The following PLEKHM3 variants were observed in gnomAD, a reference collection of about 807,000 sequenced individuals.
PLEKHM3 encodes pleckstrin homology domain containing M3.
PLEKHM3 carries 45 observed loss-of-function variants against 81.8 expected under a neutral mutation model. The ratio of observed to expected loss-of-function variants is 0.55; its 90% CI spans 0.43 to 0.71. The LOEUF is 0.71. Among genes scored for constraint, PLEKHM3 ranks in the 30% least tolerant of loss-of-function variants. The pLI is 0.00. For missense variants in PLEKHM3, 788 were observed against 924.3 expected (o/e 0.85, Z 1.91); for synonymous variants, 352 against 356.4 (o/e 0.99, Z 0.14).
chr2:207,860,898 T>A (rs1418971632), intron 7 of PLEKHM3, among the ~76,000 whole-genome samples: 1 of 152,164 alleles, frequency 6.6e-6, no homozygotes. Flanking sequence ...AGCTCTGTTA[T>A]CTCATTCTGG....
chr2:207,919,483 A>G (rs1689111988), intron 5 of PLEKHM3, among the ~76,000 whole-genome samples: 2 of 152,220 alleles, frequency 1.3e-5, no homozygotes, highest in Admixed American at 1.3e-4. Context: ...TTACTGGAAT[A>G]ATCCAGGCGA....
intron 4 of PLEKHM3, among the ~76,000 whole-genome samples, chr2:207,932,002 A>C (rs1307238346): frequency 1.3e-5 from 2 of 152,170 alleles, no homozygotes; most frequent in African/African-American, 2.4e-5. Flanking sequence ...AAAAGACTAA[A>C]TCATGTACAT....
At chr2:207,885,129 C>T (rs1040046082) in intron 6 of PLEKHM3, among the ~76,000 whole-genome samples, 1 of 152,244 alleles carries the variant, frequency 6.6e-6, no homozygotes, top group Admixed American at 6.5e-5. Context: ...TCCACTGAAT[C>T]TACGGAGCGA....
At chr2:207,999,820 G>A (rs1025467027) in intron 2 of PLEKHM3, among the ~76,000 whole-genome samples, 6 of 152,228 alleles carry the variant, frequency 3.9e-5, no homozygotes, top group South Asian at 2.1e-4. Context: ...TCCTTGCCTC[G>A]GGTTACACTT....
chr2:207,937,334 G>A (rs931864086), intron 4 of PLEKHM3, among the ~76,000 whole-genome samples: 1 of 152,170 alleles, frequency 6.6e-6, no homozygotes, highest in Non-Finnish European at 1.5e-5. Flanking sequence ...GGGAGGCTGA[G>A]GCAGCAGGAT....
Position 207,977,187 on chromosome 2 carries a change from T to C in PLEKHM3, c.1010A>G (p.His337Arg). ...CCCACTGGTTTTCTTCTGGAAACTA[T>C]GATTCTGTGTATAGTCATCATGATG... ...LGHHDDYTQN[H>R]SFQKKTSGLL... Residue 337 changes from histidine to arginine, a missense_variant, in exon 3 of 8, where the codon CAT becomes CGT. Coordinates refer to ENST00000427836, the MANE Select transcript of PLEKHM3 (RefSeq NM_001080475.3). The C allele has an allele frequency of 6.2e-7, 1 of 1,614,210 alleles. No homozygotes were observed.
intron 2 of PLEKHM3, among the ~76,000 whole-genome samples, chr2:208,000,188 C>T (rs1468351607): frequency 6.6e-6 from 1 of 152,152 alleles, no homozygotes; most frequent in Non-Finnish European, 1.5e-5. Context: ...ACCTAACCAC[C>T]CTCCCCAGCC....
chr2:207,965,313 CA>C (rs1690873935), intron 3 of PLEKHM3, among the ~76,000 whole-genome samples: 1 of 144,050 alleles, frequency 6.9e-6, no homozygotes, highest in Non-Finnish European at 1.5e-5. Context: ...CAATGTTAAC[CA>C]AAAAGGAAGC....
chr2:207,935,133 G>A (rs1689707883), intron 4 of PLEKHM3, among the ~76,000 whole-genome samples: 1 of 152,166 alleles, frequency 6.6e-6, no homozygotes, highest in Non-Finnish European at 1.5e-5. Flanking sequence ...ATTTTTCTCA[G>A]CTTGTGTTCC....
intron 1 of PLEKHM3, among the ~76,000 whole-genome samples, chr2:208,018,682 T>C (rs1485316704): frequency 6.6e-6 from 1 of 152,190 alleles, no homozygotes; most frequent in Non-Finnish European, 1.5e-5. Context: ...TCTTCTTCCT[T>C]TCAGTCTTAC....
At chr2:207,972,807 G>C (rs983814682) in intron 3 of PLEKHM3, among the ~76,000 whole-genome samples, 1 of 151,924 alleles carries the variant, frequency 6.6e-6, no homozygotes, top group Non-Finnish European at 1.5e-5. Flanking sequence ...TTTTTCTGCA[G>C]GGCTGTTTAA....
chr2:207,837,766 T>C (rs2092328471), intron 7 of PLEKHM3, among the ~76,000 whole-genome samples: 1 of 20,850 alleles, frequency 4.8e-5, no homozygotes, highest in African/African-American at 1.8e-4. Context: ...CTTCCATTTT[T>C]TTTTTTTTTT....
chr2:207,970,064 G>A (rs1312852088), intron 3 of PLEKHM3, among the ~76,000 whole-genome samples: 2 of 152,050 alleles, frequency 1.3e-5, no homozygotes, highest in East Asian at 3.8e-4. Context: ...AGAGTACGGG[G>A]AGAGGAAGTT....
chr2:207,833,170 T>G (rs1192976335), intron 7 of PLEKHM3, among the ~76,000 whole-genome samples: 1 of 151,854 alleles, frequency 6.6e-6, no homozygotes, highest in African/African-American at 2.4e-5. Context: ...CTGAGTTTCT[T>G]GACTGTATTT....
intron 3 of PLEKHM3, among the ~76,000 whole-genome samples, chr2:207,957,724 T>C (rs1463361298): frequency 3.3e-5 from 5 of 152,026 alleles, no homozygotes; most frequent in Non-Finnish European, 7.4e-5. Context: ...AAAAAGTATG[T>C]GGTATGAAAT....
At chr2:207,900,214 C>T (rs1363080348) in intron 6 of PLEKHM3, 5 of 152,230 alleles carry the variant, frequency 3.3e-5, no homozygotes, top group African/African-American at 1.2e-4. Context: ...GGGCTGTCTT[C>T]ACTCATCTCT....
chr2:207,849,251 T>C (rs2105895783), intron 7 of PLEKHM3, among the ~76,000 whole-genome samples: 1 of 152,166 alleles, frequency 6.6e-6, no homozygotes, highest in African/African-American at 2.4e-5. Context: ...GGAGAATCGC[T>C]TGAACCCGGG....
intron 7 of PLEKHM3, among the ~76,000 whole-genome samples, chr2:207,834,051 C>A (rs2092303426): frequency 6.6e-6 from 1 of 152,070 alleles, no homozygotes; most frequent in African/African-American, 2.4e-5. Flanking sequence ...TTTAGAATAT[C>A]ATTTAAGAAG....
At chr2:207,909,584 G>A (rs1224406845) in intron 5 of PLEKHM3, among the ~76,000 whole-genome samples, 1 of 152,184 alleles carries the variant, frequency 6.6e-6, no homozygotes, top group Non-Finnish European at 1.5e-5. Context: ...ACAATACAAT[G>A]TGGTAATTGA....
Sources: allele counts gnomAD v4.1 joint callset (sites outside exome capture counted in the v4.1 genomes callset), GRCh38; gene constraint gnomAD v4.1.1; transcripts MANE v1.5; gene names NCBI Gene and HGNC (gene_info 2026-07-23, HGNC 2026-07-21).